The following CAMK1D variants were observed in gnomAD, a reference collection of about 807,000 sequenced individuals.
CAMK1D encodes the protein calcium/calmodulin-dependent protein kinase type 1D.
A neutral mutation model predicts 47.7 loss-of-function variants in CAMK1D; 9 were observed. The ratio of observed to expected loss-of-function variants is 0.19; its 90% confidence interval spans 0.11 to 0.33. The LOEUF (loss-of-function observed/expected upper bound fraction) is 0.33, where lower values mean the gene tolerates loss of function less well. Ranked by LOEUF, CAMK1D falls within the 10% of genes least tolerant of loss-of-function variation. The pLI is 1.00. For synonymous variants in CAMK1D, 184 were observed against 184.9 expected, an observed-to-expected ratio of 0.99 and a Z score of 0.04; for missense variants, 291 against 488.7, an observed-to-expected ratio of 0.60 and a Z score of 3.81.
At chr10:12,615,637 G>A (rs552688395) in intron 2 of CAMK1D, among the ~76,000 whole-genome samples, 1 of 147,426 alleles carries the variant, frequency 6.8e-6, no homozygotes, top group African/African-American at 2.7e-5. Context: ...GTGAGTGCAC[G>A]TGTTTGTACA....
intron 2 of CAMK1D, among the ~76,000 whole-genome samples, chr10:12,643,676 G>T (rs1381798797): frequency 6.6e-6 from 1 of 152,038 alleles, no homozygotes; most frequent in Admixed American, 6.6e-5. Context: ...TTGAGGTCAG[G>T]AGTTCAAGGC....
At chr10:12,600,951 C>T (rs1445255589) in intron 2 of CAMK1D, among the ~76,000 whole-genome samples, 1 of 152,172 alleles carries the variant, frequency 6.6e-6, no homozygotes, top group African/African-American at 2.4e-5. Flanking sequence ...TTGCTGCAAA[C>T]GACATGACTT....
In CAMK1D at chr10:12,684,785, A is replaced by ATT. The variant is rs35720911; in HGVS notation, c.299+17985_299+17986dup. On this transcript the variant is annotated intron_variant, in intron 3 of 10. Coordinates refer to ENST00000619168, the MANE Select transcript of CAMK1D (RefSeq NM_153498.4). Reference sequence around the variant, plus strand: ...TCAGAAGATGTTGGGAGTTTGGCCAATTTTTTTTTTTATCATGGTGCTATT... The same window carrying ATT: ...TCAGAAGATGTTGGGAGTTTGGCCAATTTTTTTTTTTTTATCATGGTGCTATT... Among the ~76,000 whole-genome samples the ATT allele has an allele frequency of 2.4e-3, 362 of 149,762 alleles. 4 individuals are homozygous for ATT. Among genetic ancestry groups the ATT allele is most frequent in the African/African-American group, 7.4e-3 (301 of 40,852 alleles).
intron 1 of CAMK1D, among the ~76,000 whole-genome samples, chr10:12,536,468 G>A (rs1835974239): frequency 1.3e-5 from 2 of 152,146 alleles, no homozygotes; most frequent in Non-Finnish European, 2.9e-5. Context: ...TAGTAGAGAT[G>A]GGGTTTCTCC....
rs117486572 is a variant in CAMK1D at position 12,366,037 on chromosome 10, C to T, written c.92+16127C>T. On this transcript the variant is annotated intron_variant, in intron 1 of 10. Transcript: ENST00000619168. Reference sequence around the variant, plus strand: ...CACCAATGCACTCCAGTCTGGGTGACAGAATGAGACTCCGTCTCAAAAAAA... The same window carrying T: ...CACCAATGCACTCCAGTCTGGGTGATAGAATGAGACTCCGTCTCAAAAAAA... 3.6e-3 allele frequency among the ~76,000 whole-genome samples: 549 copies of T among 152,342 alleles called. 7 individuals are homozygous for T. The East Asian group carries it at 0.036, about 10-fold the overall frequency.
In CAMK1D at chr10:12,622,562, T is replaced by G. The variant is rs183998850; in HGVS notation, c.225-44174T>G. ...TGTGTGTGTGTAATGTCCAGAGTTTTCAGTTATACTTAGGAAGAATAGAGA... is the reference window on the plus strand; with the variant it reads ...TGTGTGTGTGTAATGTCCAGAGTTTGCAGTTATACTTAGGAAGAATAGAGA... On this transcript the variant is annotated intron_variant, in intron 2 of 10. Coordinates refer to ENST00000619168, the MANE Select transcript of CAMK1D (RefSeq NM_153498.4). Among the ~76,000 whole-genome samples the G allele has an allele frequency of 1.1e-4, 16 of 152,164 alleles. No individual in the cohort carries two copies. In the East Asian group the frequency reaches 3.1e-3, roughly 29 times the overall value.
chr10:12,450,661 A>C (rs185736432), intron 1 of CAMK1D, among the ~76,000 whole-genome samples: 101 of 152,350 alleles, frequency 6.6e-4, no homozygotes, highest in African/African-American at 2.4e-3. Flanking sequence ...GAGACCCAGC[A>C]GGTTTGAGGT....
intron 1 of CAMK1D, among the ~76,000 whole-genome samples, chr10:12,434,101 G>A (rs142330608): frequency 3.9e-4 from 60 of 152,324 alleles, no homozygotes; most frequent in African/African-American, 1.4e-3. Flanking sequence ...CTCCTGAGTT[G>A]CTGGGACTGC....
At chr10:12,827,334 T>TTC (rs1554831760) in intron 10 of CAMK1D, among the ~76,000 whole-genome samples, 3 of 122,670 alleles carry the variant, frequency 2.4e-5, no homozygotes, top group African/African-American at 9.9e-5. Flanking sequence ...CTCTCTCTTC[T>TTC]CTTCCTTCCT....
chr10:12,661,691 C>A (rs540096132), intron 2 of CAMK1D, among the ~76,000 whole-genome samples: 5 of 152,284 alleles, frequency 3.3e-5, no homozygotes, highest in Non-Finnish European at 5.9e-5. Flanking sequence ...ACAGAAGAGT[C>A]ACAGCTGAAA....
intron 3 of CAMK1D, among the ~76,000 whole-genome samples, chr10:12,687,999 GGTGTTAAA>G (rs1832726571): frequency 2.0e-5 from 3 of 152,150 alleles, no homozygotes; most frequent in Admixed American, 1.3e-4. Context: ...GTCTGATGTA[GGTGTTAAA>G]GTTAGTTGAA....
At chr10:12,766,475 C>G (rs1054712969) in intron 4 of CAMK1D, among the ~76,000 whole-genome samples, 2 of 150,638 alleles carry the variant, frequency 1.3e-5, no homozygotes, top group African/African-American at 2.5e-5. Context: ...ATTGGACATG[C>G]CTGACCCCCA....
chr10:12,637,270 T>C (rs778326159), intron 2 of CAMK1D, among the ~76,000 whole-genome samples: 9 of 152,138 alleles, frequency 5.9e-5, no homozygotes, highest in Non-Finnish European at 1.2e-4. Flanking sequence ...CTGCGCCACG[T>C]CCATACTTTA....
rs137928813 is a variant in CAMK1D at position 12,571,529 on chromosome 10, A to G, written c.224+18173A>G. Among the ~76,000 whole-genome samples the G allele has an allele frequency of 2.2e-3, 328 of 152,182 alleles. 2 individuals are homozygous for G. The highest frequency in any genetic ancestry group is 3.8e-3 in the Non-Finnish European group (259 of 67,992). Reference sequence around the variant, plus strand: ...CCCGCTGCAAACCCACTGAATCAGAATGTGCATGGAAGCTGGATCCCCCGG... The same window carrying G: ...CCCGCTGCAAACCCACTGAATCAGAGTGTGCATGGAAGCTGGATCCCCCGG... On this transcript the variant is annotated intron_variant, in intron 2 of 10. Coordinates refer to ENST00000619168, the MANE Select transcript of CAMK1D (RefSeq NM_153498.4).
At chr10:12,393,537 T>A (rs1378192651) in intron 1 of CAMK1D, among the ~76,000 whole-genome samples, 1 of 152,176 alleles carries the variant, frequency 6.6e-6, no homozygotes, top group Admixed American at 6.5e-5. Flanking sequence ...TCAGACATTT[T>A]AATTTTCTCA....
At chr10:12,543,038 T>C (rs1441521908) in intron 1 of CAMK1D, among the ~76,000 whole-genome samples, 3 of 150,944 alleles carry the variant, frequency 2.0e-5, no homozygotes, top group Admixed American at 2.0e-4. Context: ...TGAGCCACCA[T>C]TCCTGGCTAT....
chr10:12,800,912 C>G (rs1220263129), intron 6 of CAMK1D, among the ~76,000 whole-genome samples: 1 of 152,134 alleles, frequency 6.6e-6, no homozygotes, highest in Admixed American at 6.5e-5. Context: ...AAGGTTATGT[C>G]AGGGTGTATG....
At position 12,553,292 on chromosome 10, in the gene CAMK1D, A is replaced by G; in HGVS notation, c.160A>G (p.Ile54Val). Residue 54 changes from isoleucine (I) to valine (V), a missense_variant, in exon 2 of 11, where the codon ATC becomes GTC. Coordinates refer to ENST00000619168, the MANE Select transcript of CAMK1D (RefSeq NM_153498.4). ...ATGKLFAVKCIPKKALKGKES... is the reference protein window; with the variant it reads ...ATGKLFAVKCVPKKALKGKES... ...TGGCAAGCTCTTTGCTGTGAAGTGT[A>G]TCCCTAAGAAGGCGCTGAAGGGCAA... 6.2e-7 allele frequency: 1 copy of G among 1,614,176 alleles called. No homozygotes were observed. Among genetic ancestry groups the G allele is most frequent in the Non-Finnish European group, 8.5e-7 (1 of 1,180,038 alleles).
intron 1 of CAMK1D, among the ~76,000 whole-genome samples, chr10:12,357,409 G>A (rs953248105): frequency 2.0e-5 from 3 of 151,932 alleles, no homozygotes; most frequent in Non-Finnish European, 4.4e-5. Context: ...TCCGCCTCCC[G>A]GGTTCAAGTG....
Sources: allele counts gnomAD v4.1 joint callset (sites outside exome capture counted in the v4.1 genomes callset), GRCh38; gene constraint gnomAD v4.1.1; transcripts MANE v1.5; gene names NCBI Gene and HGNC (gene_info 2026-07-23, HGNC 2026-07-21).